The following RAB3B variants were observed in gnomAD, a reference collection of about 807,000 sequenced individuals.
RAB3B encodes the protein RAB3B, member RAS oncogene family.
Under a neutral mutation model 20.5 loss-of-function variants are expected in RAB3B, and 11 were observed. That is an observed-to-expected ratio of 0.54 (90% CI 0.34 to 0.89). RAB3B has a LOEUF of 0.89. Ranked by LOEUF, RAB3B falls within the 40% of genes least tolerant of loss-of-function variation. The probability of loss-of-function intolerance (pLI) is 0.02; values close to 1 mark genes in which losing one functional copy is unlikely to be tolerated. For missense variants in RAB3B, 225 were observed against 280.9 expected, an observed-to-expected ratio of 0.80 and a Z score of 1.42; for synonymous variants, 99 against 106.3, an observed-to-expected ratio of 0.93 and a Z score of 0.42.
At chr1:51,976,796 C>T (rs1250735638) in intron 2 of RAB3B, 94 bp downstream of exon 2, 7 of 1,093,906 alleles carry the variant, frequency 6.4e-6, no homozygotes, top group Non-Finnish European at 9.5e-6. Flanking sequence ...TGCTGTAAGG[C>T]CCAGAAGTTC....
At chr1:51,981,980 TC>T (rs1436407944) in intron 1 of RAB3B, among the ~76,000 whole-genome samples, 3 of 152,208 alleles carry the variant, frequency 2.0e-5, no homozygotes, top group Admixed American at 6.5e-5. Flanking sequence ...GTGTACTTTT[TC>T]TATTTATATT....
At chr1:51,946,532 T>C (rs1361527332) in intron 2 of RAB3B, among the ~76,000 whole-genome samples, 3 of 152,186 alleles carry the variant, frequency 2.0e-5, no homozygotes, top group Non-Finnish European at 2.9e-5. Flanking sequence ...CAGACATTCA[T>C]TGAGCTCTTC....
chr1:51,985,949 C>G (rs1571983462), intron 1 of RAB3B, among the ~76,000 whole-genome samples: 1 of 151,972 alleles, frequency 6.6e-6, no homozygotes, highest in East Asian at 1.9e-4. Flanking sequence ...CTTCTGTTAC[C>G]TAATGGCTTC....
At chr1:51,965,465 G>A (rs1684837859) in intron 2 of RAB3B, among the ~76,000 whole-genome samples, 1 of 152,022 alleles carries the variant, frequency 6.6e-6, no homozygotes, top group African/African-American at 2.4e-5. Flanking sequence ...TGGCCAACAT[G>A]GCAAAACCCC....
chr1:51,990,052 G>A (rs1369349420), intron 1 of RAB3B, among the ~76,000 whole-genome samples: 1 of 106,576 alleles, frequency 9.4e-6, no homozygotes. Flanking sequence ...AGCTCCAAAC[G>A]ACCCCCGCCC....
intron 3 of RAB3B, among the ~76,000 whole-genome samples, chr1:51,936,376 G>A (rs995548309): frequency 6.6e-6 from 1 of 152,154 alleles, no homozygotes; most frequent in African/African-American, 2.4e-5. Flanking sequence ...GATGAACTTG[G>A]ACTGTATGTG....
intron 2 of RAB3B, among the ~76,000 whole-genome samples, chr1:51,939,385 A>C (rs1471168901): frequency 6.6e-6 from 1 of 152,224 alleles, no homozygotes; most frequent in East Asian, 1.9e-4. Context: ...GGTCAAGGTC[A>C]TAAAGCTGGT....
At chr1:51,963,749 A>T (rs1571973701) in intron 2 of RAB3B, among the ~76,000 whole-genome samples, 1 of 152,134 alleles carries the variant, frequency 6.6e-6, no homozygotes, top group Non-Finnish European at 1.5e-5. Flanking sequence ...TGGAACCCCA[A>T]GCTGCACCTG....
At chr1:51,972,489 CTTTT>C (rs1160625371) in intron 2 of RAB3B, among the ~76,000 whole-genome samples, 1 of 130,846 alleles carries the variant, frequency 7.6e-6, no homozygotes, top group Non-Finnish European at 1.6e-5. Context: ...TTTCTTTTTT[CTTTT>C]TTTTTTTTTT....
In RAB3B at chr1:51,957,871, G is replaced by A. The variant is rs58568335; in HGVS notation, c.228+19019C>T. On this transcript the variant is annotated intron_variant, in intron 2 of 4. Coordinates refer to ENST00000371655, the MANE Select transcript of RAB3B (RefSeq NM_002867.4). ...GCCTCCGTTGGTGGTAAATTTCCAAGCCAGCCTTTGGGCTCAATCAGTTGA... is the reference window on the plus strand; with the variant it reads ...GCCTCCGTTGGTGGTAAATTTCCAAACCAGCCTTTGGGCTCAATCAGTTGA... Among the ~76,000 whole-genome samples, 1,224 of 152,324 alleles carry A rather than the reference G, an allele frequency of 8.0e-3. 10 individuals carry two copies. The highest frequency in any genetic ancestry group is 0.028 in the African/African-American group (1,151 of 41,580).
rs1171897939 is a variant in RAB3B, at chr1:51,912,554, AATATATATATATATATATATATATATAT to A, written c.*7345_*7372del. On this transcript the variant is annotated 3_prime_UTR_variant, in exon 5 of 5. Coordinates refer to ENST00000371655, the MANE Select transcript of RAB3B (RefSeq NM_002867.4). ...AGACCGTCTCTATTAAAAAAAAAAA[AATATATATATATATATATATATATATAT>A]ATATATATATATATATATAAAAAAT... The A allele has an allele frequency of 6.5e-5, 1 of 15,502 alleles. No homozygotes were observed. Among genetic ancestry groups the A allele is most frequent in the African/African-American group, 1.7e-4 (1 of 5,738 alleles). The allele number at this position is 15,502 out of a possible 1,614,324, so 1.0% of individuals were successfully genotyped here.
intron 2 of RAB3B, among the ~76,000 whole-genome samples, chr1:51,944,736 G>T (rs1422140000): frequency 6.6e-6 from 1 of 152,206 alleles, no homozygotes; most frequent in Non-Finnish European, 1.5e-5. Context: ...GATAAAACTT[G>T]AACGGATGCA....
At chr1:51,971,889 G>A (rs897233237) in intron 2 of RAB3B, among the ~76,000 whole-genome samples, 1 of 152,200 alleles carries the variant, frequency 6.6e-6, no homozygotes, top group African/African-American at 2.4e-5. Context: ...TCAAAACAGT[G>A]TGCAATTTAG....
At chr1:51,989,101 GCGCACACACA>G (rs1172586574) in intron 1 of RAB3B, among the ~76,000 whole-genome samples, 26 of 24,050 alleles carry the variant, frequency 1.1e-3, no homozygotes, top group African/African-American at 2.2e-3. Context: ...ACCTGTGCGC[GCGCACACACA>G]CACACACACA....
intron 2 of RAB3B, among the ~76,000 whole-genome samples, chr1:51,941,685 C>T (rs560471577): frequency 6.6e-6 from 1 of 152,294 alleles, no homozygotes; most frequent in South Asian, 2.1e-4. Context: ...TAAAACAAAA[C>T]CTGCATCTAA....
chr1:51,924,915 T>C (rs182733838), intron 4 of RAB3B, among the ~76,000 whole-genome samples: 98 of 152,246 alleles, frequency 6.4e-4, no homozygotes, highest in Admixed American at 1.4e-3. Context: ...TAGCCCCCAG[T>C]CCTTTTCTTC....
chr1:51,979,680 C>A (rs1205760776), intron 1 of RAB3B, among the ~76,000 whole-genome samples: 2 of 152,146 alleles, frequency 1.3e-5, no homozygotes, highest in Non-Finnish European at 2.9e-5. Context: ...GAGAAAATTT[C>A]TACTATGAAT....
intron 2 of RAB3B, among the ~76,000 whole-genome samples, chr1:51,965,219 CAAA>C (rs33966058): frequency 2.0e-4 from 28 of 142,990 alleles, no homozygotes; most frequent in South Asian, 2.2e-4. Flanking sequence ...AATTCTGTCT[CAAA>C]AAAAAAAAAA....
chr1:51,944,137 G>A (rs894826260), intron 2 of RAB3B, among the ~76,000 whole-genome samples: 3 of 152,144 alleles, frequency 2.0e-5, no homozygotes, highest in African/African-American at 7.2e-5. Flanking sequence ...AATGCTAACT[G>A]ACCATTCTGA....
Sources: allele counts gnomAD v4.1 joint callset (sites outside exome capture counted in the v4.1 genomes callset), GRCh38; gene constraint gnomAD v4.1.1; transcripts MANE v1.5; gene names NCBI Gene and HGNC (gene_info 2026-07-23, HGNC 2026-07-21).